Variants in EYA2 observed in about 807,000 individuals in gnomAD.
EYA2 encodes protein phosphatase EYA2.
A neutral mutation model predicts 69.2 loss-of-function variants in EYA2; 31 were observed. That is an observed-to-expected ratio of 0.45 (90% CI 0.34 to 0.60). The LOEUF is 0.60. Ranked by LOEUF, EYA2 falls within the 20% of genes least tolerant of loss-of-function variation. The pLI, the probability that EYA2 is intolerant of heterozygous loss-of-function variation, is 0.02. For synonymous variants in EYA2, 257 were observed against 279.4 expected (o/e 0.92, Z 0.80); for missense variants, 622 against 701.2 (o/e 0.89, Z 1.28).
chr20:47,024,748 A>G (rs1983981237), intron 5 of EYA2, among the ~76,000 whole-genome samples: 1 of 152,174 alleles, frequency 6.6e-6, no homozygotes, highest in South Asian at 2.1e-4. Context: ...CTCCTCTTGC[A>G]AGGATCACTG....
At chr20:46,904,058 G>A (rs758767506) in intron 1 of EYA2, among the ~76,000 whole-genome samples, 4 of 152,142 alleles carry the variant, frequency 2.6e-5, no homozygotes, top group Non-Finnish European at 4.4e-5. Flanking sequence ...GGCAGTGGTC[G>A]ATAGCACAGG....
At chr20:47,142,951 G>A (rs2033626604) in intron 9 of EYA2, 108 bp from the exon 10 acceptor site, 17 of 836,764 alleles carry the variant, frequency 2.0e-5, no homozygotes, top group Non-Finnish European at 2.8e-5. Flanking sequence ...GAGCCGAGCA[G>A]ATGAGGAAAA....
intron 10 of EYA2, among the ~76,000 whole-genome samples, chr20:47,145,261 G>A (rs1286658375): frequency 1.3e-5 from 2 of 152,150 alleles, no homozygotes. Context: ...TCCAGGGAAG[G>A]CCTCTTAAGG....
intron 9 of EYA2, among the ~76,000 whole-genome samples, chr20:47,115,474 G>C (rs948318849): frequency 3.9e-5 from 6 of 152,096 alleles, no homozygotes; most frequent in African/African-American, 1.4e-4. Context: ...CAGTTCAGAA[G>C]TTACTTCCTC....
chr20:46,934,040 C>T (rs1277534755), intron 1 of EYA2, among the ~76,000 whole-genome samples: 1 of 152,230 alleles, frequency 6.6e-6, no homozygotes, highest in African/African-American at 2.4e-5. Context: ...GTGACAGTGC[C>T]AGAGATGCTT....
intron 1 of EYA2, among the ~76,000 whole-genome samples, chr20:46,937,134 G>A (rs760392976): frequency 2.6e-5 from 4 of 152,026 alleles, no homozygotes; most frequent in Non-Finnish European, 4.4e-5. Flanking sequence ...AAGTACAGAC[G>A]TATCTAGCTC....
At chr20:47,127,380 G>A (rs2033219932) in intron 9 of EYA2, among the ~76,000 whole-genome samples, 1 of 152,122 alleles carries the variant, frequency 6.6e-6, no homozygotes, top group Non-Finnish European at 1.5e-5. Flanking sequence ...GAGGCGAGAG[G>A]ATCACCTGAG....
chr20:47,173,305 C>A (rs2034362665), intron 12 of EYA2, among the ~76,000 whole-genome samples: 1 of 151,872 alleles, frequency 6.6e-6, no homozygotes, highest in African/African-American at 2.4e-5. Flanking sequence ...TGGAATCCCC[C>A]CTTGGATTCT....
intron 1 of EYA2, among the ~76,000 whole-genome samples, chr20:46,896,410 A>T (rs1472876897): frequency 6.6e-6 from 1 of 152,054 alleles, no homozygotes; most frequent in Admixed American, 6.5e-5. Context: ...CTTACAAAAA[A>T]AAAAAGAGGT....
intron 1 of EYA2, among the ~76,000 whole-genome samples, chr20:46,930,539 T>TG (rs1439859276): frequency 2.6e-5 from 4 of 151,216 alleles, no homozygotes; most frequent in Non-Finnish European, 5.9e-5. Context: ...AGGAAGAGGA[T>TG]GGGGGGATGT....
At chr20:46,904,167 C>T (rs1242616134) in intron 1 of EYA2, among the ~76,000 whole-genome samples, 4 of 152,102 alleles carry the variant, frequency 2.6e-5, no homozygotes, top group South Asian at 2.1e-4. Flanking sequence ...TCCCAGACAT[C>T]GGAGACAGCA....
chr20:47,013,715 A>G (rs1983227848), intron 4 of EYA2, among the ~76,000 whole-genome samples: 1 of 152,344 alleles, frequency 6.6e-6, no homozygotes, highest in Middle Eastern at 3.4e-3. Flanking sequence ...AGGGGTGGGC[A>G]GAGCCCATGC....
chr20:47,185,567 A>G (rs1307708038), intron 15 of EYA2, among the ~76,000 whole-genome samples: 3 of 151,958 alleles, frequency 2.0e-5, no homozygotes, highest in Non-Finnish European at 2.9e-5. Flanking sequence ...CTCCCAAAGT[A>G]CTGGGATTAG....
chr20:46,917,276 G>A (rs1202140112), intron 1 of EYA2, among the ~76,000 whole-genome samples: 4 of 152,210 alleles, frequency 2.6e-5, no homozygotes, highest in East Asian at 3.8e-4. Context: ...AGGCACGCAG[G>A]AAGTGCTCAG....
At position 47,183,339 on chromosome 20, in the gene EYA2, C is replaced by T. The variant is rs776876181; in HGVS notation, c.1484C>T (p.Ala495Val). Residue 495 changes from alanine (A) to valine (V), a missense_variant, in exon 15 of 16, where the codon GCT becomes GTT. Ala to Val is a moderately conservative substitution (Grantham distance 64). This residue lies in a region of EYA2 where 257 missense variants were observed against 351.5 expected (regional missense o/e 0.73). Coordinates refer to ENST00000327619, the MANE Select transcript of EYA2 (RefSeq NM_005244.5). Reference sequence around the variant, plus strand: ...ATAATGCAGAGATTCGGCAGAAAAGCTGTCTACGTGGTGATCGGTGATGGT... The same window carrying T: ...ATAATGCAGAGATTCGGCAGAAAAGTTGTCTACGTGGTGATCGGTGATGGT... ...ERIMQRFGRK[A>V]VYVVIGDGVE... 1 of 1,614,124 alleles carries T rather than the reference C, an allele frequency of 6.2e-7. No homozygotes were observed. The highest frequency in any genetic ancestry group is 1.3e-5 in the African/African-American group (1 of 75,014).
At chr20:47,044,363 C>G (rs2029921592) in intron 5 of EYA2, among the ~76,000 whole-genome samples, 1 of 152,154 alleles carries the variant, frequency 6.6e-6, no homozygotes, top group African/African-American at 2.4e-5. Flanking sequence ...AGGCATTGTT[C>G]CAGGCACTAG....
intron 1 of EYA2, among the ~76,000 whole-genome samples, chr20:46,941,165 A>G (rs1986139801): frequency 6.6e-6 from 1 of 152,164 alleles, no homozygotes; most frequent in Admixed American, 6.5e-5. Context: ...TTGGAATCCC[A>G]CAGACCCACA....
At chr20:46,934,775 A>G (rs923413692) in intron 1 of EYA2, among the ~76,000 whole-genome samples, 1 of 152,218 alleles carries the variant, frequency 6.6e-6, no homozygotes, top group Non-Finnish European at 1.5e-5. Context: ...AGAGAACAGC[A>G]TGAGCAAAGG....
chr20:46,924,044 G>C (rs931357406), intron 1 of EYA2, among the ~76,000 whole-genome samples: 1 of 152,018 alleles, frequency 6.6e-6, no homozygotes, highest in African/African-American at 2.4e-5. Flanking sequence ...CCTCTAGAAA[G>C]ATCTATCTTT....
Sources: allele counts gnomAD v4.1 joint callset (sites outside exome capture counted in the v4.1 genomes callset), GRCh38; gene constraint gnomAD v4.1.1; regional missense constraint gnomAD v4.1.1; transcripts MANE v1.5; gene names NCBI Gene and HGNC (gene_info 2026-07-23, HGNC 2026-07-21).